SH2D3A: variants seen among roughly 807,000 people sequenced by gnomAD.
SH2D3A encodes SH2 domain-containing protein 3A.
SH2D3A carries 46 observed loss-of-function variants against 50.6 expected under a neutral mutation model. The ratio of observed to expected loss-of-function variants is 0.91; its 90% confidence interval spans 0.72 to 1.16. SH2D3A has a LOEUF of 1.16. Ranked by LOEUF, SH2D3A falls within the 50% of genes most tolerant of loss-of-function variation. SH2D3A has a pLI of 0.00. For missense variants in SH2D3A, 783 were observed against 786.2 expected (o/e 1.00, Z 0.05); for synonymous variants, 377 against 348.4 (o/e 1.08, Z -0.91).
chr19:6,759,892 G>A (rs141147130), intron 3 of SH2D3A, among the ~76,000 whole-genome samples: 46 of 152,262 alleles, frequency 3.0e-4, no homozygotes, highest in African/African-American at 9.9e-4. Flanking sequence ...AGCACCCTAT[G>A]ATGCACAGGA....
intron 4 of SH2D3A, among the ~76,000 whole-genome samples, chr19:6,756,313 T>A (rs1460277210): frequency 6.6e-6 from 1 of 151,034 alleles, no homozygotes; most frequent in Non-Finnish European, 1.5e-5. Context: ...CATATCTATA[T>A]AAAATATATA....
Position 6,760,713 on chromosome 19 carries a change from G to A in SH2D3A, c.344C>T (p.Thr115Ile), listed in dbSNP as rs547835903. The change falls in exon 3 of 10, where the codon ACT (threonine) becomes ATT (isoleucine). Residue 115 changes from threonine to isoleucine, a missense_variant. Coordinates refer to ENST00000245908, the MANE Select transcript of SH2D3A (RefSeq NM_005490.3). ...GCTGCGTCGCAGAGGCCCCTGCCAA[G>A]TCACAGGCCTGGAGACCACAGCCCC... ...ATGAVVSRPV[T>I]WQGPLRRSFS... 1.2e-6 allele frequency: 2 copies of A among 1,613,672 alleles called. No individual in the cohort carries two copies. Among genetic ancestry groups the A allele is most frequent in the East Asian group, 2.2e-5 (1 of 44,882 alleles).
At chr19:6,753,365 T>C (rs1969437101) in intron 9 of SH2D3A, 91 bp downstream of exon 9, 1 of 1,401,202 alleles carries the variant, frequency 7.1e-7, no homozygotes. Flanking sequence ...GGCGAGAGGC[T>C]CCCCTCCTGG....
chr19:6,759,614 C>G lies in SH2D3A; in HGVS notation c.476G>C (p.Arg159Thr). The G allele has an allele frequency of 1.2e-6, 2 of 1,614,024 alleles. No individual in the cohort carries two copies. Among genetic ancestry groups the G allele is most frequent in the Non-Finnish European group, 1.7e-6 (2 of 1,179,912 alleles). The change falls in exon 4 of 10, where the codon AGA becomes ACA. Residue 159 changes from arginine to threonine, a missense_variant. Coordinates refer to ENST00000245908, the MANE Select transcript of SH2D3A (RefSeq NM_005490.3). ...PADLAHMGRSREDPAGMEAST... is the reference protein window; with the variant it reads ...PADLAHMGRSTEDPAGMEAST... ...CTTACCCATCCCAGCGGGGTCTTCT[C>G]TTGACCGCCCCATATGTGCCAAATC...
At chr19:6,755,813 C>T (rs1019166843) in intron 4 of SH2D3A, among the ~76,000 whole-genome samples, 5 of 151,516 alleles carry the variant, frequency 3.3e-5, no homozygotes, top group African/African-American at 7.3e-5. Flanking sequence ...GCGTGGTGGC[C>T]GACGCCTGTA....
intron 2 of SH2D3A, among the ~76,000 whole-genome samples, chr19:6,762,180 C>CT (rs1970062134): frequency 6.6e-6 from 1 of 151,722 alleles, no homozygotes; most frequent in African/African-American, 2.4e-5. Context: ...ATTATTATAC[C>CT]TTTTTTTGTT....
intron 8 of SH2D3A, 145 bp from the exon 9 acceptor site, chr19:6,753,786 A>C: frequency 1.0e-6 from 1 of 982,204 alleles, no homozygotes; most frequent in Non-Finnish European, 1.4e-6. Flanking sequence ...CACGCCCCGT[A>C]TGGAGGGCGG....
intron 1 of SH2D3A, 90 bp from the exon 2 acceptor site, chr19:6,763,906 T>TTA: frequency 1.4e-5 from 1 of 72,404 alleles, no homozygotes; most frequent in Non-Finnish European, 2.7e-5. Context: ...CCATCAAATC[T>TTA]TTTTTTTTTT....
At chr19:6,752,916 G>A (rs1029988402) in intron 9 of SH2D3A, 163 bp from the exon 10 acceptor site, 2 of 985,020 alleles carry the variant, frequency 2.0e-6, no homozygotes, top group African/African-American at 3.5e-5. Context: ...AGGGGAGGGG[G>A]CTTCCAGCTC....
At chr19:6,755,388 A>T (rs1277166089) in intron 4 of SH2D3A, 73 bp from the exon 5 acceptor site, 1 of 1,065,236 alleles carries the variant, frequency 9.4e-7, no homozygotes, top group Admixed American at 2.6e-5. Flanking sequence ...TGAGAGCTTC[A>T]TCGGCTACCA....
chr19:6,760,915 CG>C lies in SH2D3A; in HGVS notation c.141del (p.Val48Ter). ...VRASGSRGGN[P>X]VISCRWRGSA... The stretch of plus-strand genomic sequence containing the variant: ...GAGCCCCGCCAGCGGCAGGAGATCA[CG>C]GGGTTGCCCCCACGGGACCCAGAGG... On this transcript the variant is annotated frameshift_variant, in exon 3 of 10. Transcript: ENST00000245908. LOFTEE classifies it high-confidence loss of function. 1 of 1,614,154 alleles carries C rather than the reference CG, an allele frequency of 6.2e-7. No individual in the cohort carries two copies.
intron 1 of SH2D3A, among the ~76,000 whole-genome samples, chr19:6,766,868 CAGA>C (rs1970327054): frequency 6.6e-6 from 1 of 152,138 alleles, no homozygotes; most frequent in Admixed American, 6.6e-5. Flanking sequence ...GACCTCAGTA[CAGA>C]AGGAGGCAGT....
chr19:6,753,555 C>A lies in SH2D3A; in HGVS notation c.1471G>T (p.Asp491Tyr). The A allele has an allele frequency of 6.4e-7, 1 of 1,573,476 alleles. No individual in the cohort carries two copies. The highest frequency in any genetic ancestry group is 1.2e-5 in the South Asian group (1 of 86,110). The change falls in exon 9 of 10, where the codon GAC becomes TAC. Residue 491 changes from aspartate (D) to tyrosine (Y), a missense_variant. Coordinates refer to ENST00000245908, the MANE Select transcript of SH2D3A (RefSeq NM_005490.3). Reference protein sequence around the residue: ...LEGEEVAGPLDESCERLLRTL... With the variant: ...LEGEEVAGPLYESCERLLRTL... ...CGCAACAGCCGCTCACAGCTCTCGT[C>A]CAGCGGCCCCGCGACTTCCTCGCCC... is the stretch of plus-strand genomic sequence containing the variant.
rs373227962 is a variant in SH2D3A, at chr19:6,754,066, A to T, written c.1370T>A (p.Leu457Gln). 144 of 1,607,748 alleles carry T rather than the reference A, an allele frequency of 9.0e-5. No individual in the cohort carries two copies. The highest frequency in any genetic ancestry group is 1.2e-4 in the Non-Finnish European group (141 of 1,176,398). The change falls in exon 8 of 10, where the codon CTG becomes CAG. Residue 457 changes from leucine to glutamine, a missense_variant. Coordinates refer to ENST00000245908, the MANE Select transcript of SH2D3A (RefSeq NM_005490.3). ...EQELKPLMRA[L>Q]DEGAGPCDPG... ...CCTTCACTTACCAGCGCCCTCATCCAGAGCCCGCATCAGCGGCTTCAGCTC... is the reference window on the plus strand; with the variant it reads ...CCTTCACTTACCAGCGCCCTCATCCTGAGCCCGCATCAGCGGCTTCAGCTC...
Position 6,754,378 on chromosome 19 carries a change from G to A in SH2D3A, c.1145C>T (p.Ser382Leu), listed in dbSNP as rs374798192. Residue 382 changes from serine to leucine, a missense_variant, in exon 7 of 10, where the codon TCG (serine) becomes TTG (leucine). Coordinates refer to ENST00000245908, the MANE Select transcript of SH2D3A (RefSeq NM_005490.3). ...GGCTGCGCGCTCCTCCAGCGGCCCC[G>A]AGCAGCCCAGCACCGCCAGCGCCCC... Reference protein sequence around the residue: ...LAGALAVLGCSGPLEERAAAL... With the variant: ...LAGALAVLGCLGPLEERAAAL... 136 of 1,553,746 alleles carry A rather than the reference G, an allele frequency of 8.8e-5. No homozygotes were observed. Among genetic ancestry groups the A allele is most frequent in the East Asian group, 3.2e-4 (14 of 44,324 alleles).
chr19:6,754,077 C>G lies in SH2D3A; in HGVS notation c.1359G>C (p.Leu453=). The G allele has an allele frequency of 6.2e-7, 1 of 1,610,338 alleles. No individual in the cohort carries two copies. The highest frequency in any genetic ancestry group is 8.5e-7 in the Non-Finnish European group (1 of 1,177,906). Residue 453 remains leucine (L), a synonymous_variant, in exon 8 of 10, where the codon CTG becomes CTC. Coordinates refer to ENST00000245908, the MANE Select transcript of SH2D3A (RefSeq NM_005490.3). The part of the protein sequence containing the change: ...ALAFEQELKP[L]MRALDEGAGP... ...CAGCGCCCTCATCCAGAGCCCGCAT[C>G]AGCGGCTTCAGCTCCTGCTCAAAGG...
rs1329073825 is a variant in SH2D3A at position 6,755,173 on chromosome 19, G to C, written c.639C>G (p.Pro213=). 13 of 1,599,764 alleles carry C rather than the reference G, an allele frequency of 8.1e-6. No individual in the cohort carries two copies. In the East Asian group the frequency reaches 2.5e-4, roughly 30 times the overall value. Residue 213 remains proline, a synonymous_variant, in exon 5 of 10, where the codon CCC becomes CCG. Transcript: ENST00000245908. ...GCAGTTCGAAGGAGGGTGTCCGGGG[G>C]GGCTTCGTTGGTGCCTTGGCTTGAA... is the stretch of plus-strand genomic sequence containing the variant. ...GQLQAKAPTK[P]PRTPSFELPD...
intron 4 of SH2D3A, chr19:6,758,128 T>C (rs1364871208): frequency 1.3e-5 from 2 of 148,370 alleles, no homozygotes; most frequent in Non-Finnish European, 3.0e-5. Context: ...ACCTGGCTAA[T>C]TTTTGTATTT....
Position 6,760,689 on chromosome 19 carries a change from C to T in SH2D3A, c.368G>A (p.Ser123Asn). ...ATCCATCAGGGTGTCCTCGCTAAAG[C>T]TGCGTCGCAGAGGCCCCTGCCAAGT... Reference protein sequence around the residue: ...PVTWQGPLRRSFSEDTLMDGP... With the variant: ...PVTWQGPLRRNFSEDTLMDGP... Residue 123 changes from serine to asparagine, a missense_variant, in exon 3 of 10, where the codon AGC becomes AAC. Coordinates refer to ENST00000245908, the MANE Select transcript of SH2D3A (RefSeq NM_005490.3). 6.2e-7 allele frequency: 1 copy of T among 1,611,518 alleles called. No homozygotes were observed. The highest frequency in any genetic ancestry group is 1.1e-5 in the South Asian group (1 of 90,840).
Sources: allele counts gnomAD v4.1 joint callset (sites outside exome capture counted in the v4.1 genomes callset), GRCh38; gene constraint gnomAD v4.1.1; transcripts MANE v1.5; gene names NCBI Gene and HGNC (gene_info 2026-07-23, HGNC 2026-07-21).